Variants in TMEM156 observed in about 807,000 individuals in gnomAD.
TMEM156 encodes transmembrane protein 156.
TMEM156 carries 28 observed loss-of-function variants against 30.5 expected under a neutral mutation model. The observed-to-expected ratio is 0.92, with a 90% CI of 0.68 to 1.26. The LOEUF is 1.26. Ranked by LOEUF, TMEM156 falls within the 50% of genes most tolerant of loss-of-function variation. The pLI is 0.00. For missense variants in TMEM156, 351 were observed against 340.6 expected, an observed-to-expected ratio of 1.03 and a Z score of -0.24; for synonymous variants, 137 against 119.9, an observed-to-expected ratio of 1.14 and a Z score of -0.93.
intron 2 of TMEM156, among the ~76,000 whole-genome samples, chr4:38,995,420 T>G (rs1459467151): frequency 1.3e-5 from 2 of 152,204 alleles, no homozygotes; most frequent in Non-Finnish European, 2.9e-5. Flanking sequence ...TGATTTGCTT[T>G]TAATTCCTTT....
chr4:39,021,268 G>A (rs1413069678), intron 1 of TMEM156, among the ~76,000 whole-genome samples: 1 of 151,720 alleles, frequency 6.6e-6, no homozygotes, highest in Non-Finnish European at 1.5e-5. Context: ...AGCCAGTGTG[G>A]TGACCCACAC....
intron 5 of TMEM156, among the ~76,000 whole-genome samples, chr4:38,973,853 A>G (rs1722721534): frequency 6.6e-6 from 1 of 152,162 alleles, no homozygotes; most frequent in African/African-American, 2.4e-5. Context: ...ATATTTTATC[A>G]TTTTATCACA....
At chr4:39,026,580 T>C (rs1164828180) in intron 1 of TMEM156, among the ~76,000 whole-genome samples, 1 of 152,120 alleles carries the variant, frequency 6.6e-6, no homozygotes, top group African/African-American at 2.4e-5. Context: ...TATGAAAATA[T>C]TGTGTCCATT....
intron 1 of TMEM156, among the ~76,000 whole-genome samples, chr4:39,005,792 G>A (rs992705956): frequency 1.3e-5 from 2 of 152,040 alleles, no homozygotes; most frequent in African/African-American, 2.4e-5. Context: ...GTACACTAAG[G>A]GTTTAATTAC....
chr4:38,988,766 C>A, intron 4 of TMEM156, 85 bp downstream of exon 4: 5 of 1,552,068 alleles, frequency 3.2e-6, no homozygotes, highest in Non-Finnish European at 4.4e-6. Context: ...AGTAGGTGCA[C>A]AAGAAATGCT....
chr4:38,984,943 T>C (rs1176028887), intron 5 of TMEM156, among the ~76,000 whole-genome samples: 6 of 152,134 alleles, frequency 3.9e-5, no homozygotes, highest in African/African-American at 1.2e-4. Context: ...GCGAGGTTAG[T>C]CTTGTGGTTA....
At chr4:39,007,695 G>A (rs1470728776) in intron 1 of TMEM156, among the ~76,000 whole-genome samples, 1 of 152,126 alleles carries the variant, frequency 6.6e-6, no homozygotes, top group Non-Finnish European at 1.5e-5. Context: ...CTGACCTTGT[G>A]ATCTGCCTGC....
chr4:39,031,182 C>T (rs756728608), intron 1 of TMEM156, among the ~76,000 whole-genome samples: 2 of 152,128 alleles, frequency 1.3e-5, no homozygotes, highest in Non-Finnish European at 2.9e-5. Flanking sequence ...TAGAATACAG[C>T]CTTTTCTTTT....
intron 3 of TMEM156, among the ~76,000 whole-genome samples, chr4:38,992,032 C>A (rs1344333835): frequency 2.6e-5 from 4 of 152,284 alleles, no homozygotes; most frequent in East Asian, 1.9e-4. Context: ...GGAGAAATTT[C>A]TTTGAAGTCT....
At chr4:38,995,534 A>G (rs11724201) in intron 2 of TMEM156, among the ~76,000 whole-genome samples, 55,917 of 152,030 alleles carry the variant, frequency 0.37, 10,755 homozygotes, top group East Asian at 0.65. Flanking sequence ...GAGCAACATG[A>G]TGAAACCCCG....
intron 3 of TMEM156, among the ~76,000 whole-genome samples, chr4:38,992,494 A>T (rs1411653046): frequency 2.0e-5 from 3 of 151,232 alleles, no homozygotes; most frequent in Non-Finnish European, 2.9e-5. Flanking sequence ...AGTATGTAAG[A>T]TTTGTCTTTT....
chr4:39,008,594 G>A (rs1425150976), intron 1 of TMEM156, among the ~76,000 whole-genome samples: 6 of 152,000 alleles, frequency 3.9e-5, no homozygotes, highest in African/African-American at 7.2e-5. Flanking sequence ...TTGAGTATGA[G>A]TAACAAGGTA....
chr4:38,992,713 T>A (rs865865792), intron 3 of TMEM156, among the ~76,000 whole-genome samples: 4,418 of 45,918 alleles, frequency 0.096, 119 homozygotes, highest in Admixed American at 0.21. Context: ...ATATATATAT[T>A]ATATATATAT....
chr4:39,006,078 T>C (rs1435698304), intron 1 of TMEM156, among the ~76,000 whole-genome samples: 1 of 152,138 alleles, frequency 6.6e-6, no homozygotes, highest in Non-Finnish European at 1.5e-5. Flanking sequence ...GTATTTTTAA[T>C]AGAGATGAAG....
At chr4:39,032,188 A>C in intron 1 of TMEM156, 38 bp downstream of exon 1, 1 of 1,370,110 alleles carries the variant, frequency 7.3e-7, no homozygotes, top group Non-Finnish European at 1.0e-6. Flanking sequence ...ATTTTTTTAA[A>C]TTAAGAAAGG....
rs1171208347 is a variant in TMEM156, at chr4:39,002,296, A to C, written c.89-3387T>G. Among the ~76,000 whole-genome samples the C allele has an allele frequency of 1.3e-5, 2 of 152,168 alleles. 1 individual carries two copies. Among genetic ancestry groups the C allele is most frequent in the Non-Finnish European group, 2.9e-5 (2 of 68,038 alleles). On this transcript the variant is annotated intron_variant, in intron 1 of 6. Coordinates refer to ENST00000381938, the MANE Select transcript of TMEM156 (RefSeq NM_024943.3). ...ACACACGAAAAAATGTTCACCATCA[A>C]TGGCCATCAGAGAAATGCAAATCAA...
intron 5 of TMEM156, among the ~76,000 whole-genome samples, chr4:38,979,910 A>C (rs958025163): frequency 6.6e-6 from 1 of 152,220 alleles, no homozygotes; most frequent in Non-Finnish European, 1.5e-5. Context: ...GCAGAACTTC[A>C]ATATTGCTAT....
rs537598293 is a variant in TMEM156, at chr4:38,989,032, T to C, written c.620-62A>G. The C allele has an allele frequency of 3.9e-6, 6 of 1,544,766 alleles. No individual in the cohort carries two copies. The African/African-American group carries it at 8.2e-5, about 21-fold the overall frequency. On this transcript the variant is annotated intron_variant, in intron 3 of 6. Coordinates refer to ENST00000381938, the MANE Select transcript of TMEM156 (RefSeq NM_024943.3). ...ATTATTCAACAGATAAAAGGCAATG[T>C]GGCAGTGTAGCTGAGTTCTACAACA... is the stretch of plus-strand genomic sequence containing the variant.
chr4:39,003,141 T>C (rs1187832338), intron 1 of TMEM156, among the ~76,000 whole-genome samples: 5 of 152,300 alleles, frequency 3.3e-5, no homozygotes, highest in South Asian at 2.1e-4. Context: ...ATTTTTAAAA[T>C]GTGTATAATT....
Sources: gnomAD v4.1 joint callset for allele counts (sites outside exome capture counted in the v4.1 genomes callset) on GRCh38, gnomAD v4.1.1 for gene constraint, MANE v1.5 for transcripts, NCBI Gene and HGNC (gene_info 2026-07-23, HGNC 2026-07-21) for gene names.